Variants in GABARAPL2 observed in about 807,000 individuals in gnomAD.
GABARAPL2 encodes the protein GABA type A receptor associated protein like 2.
A neutral mutation model predicts 16.9 loss-of-function variants in GABARAPL2; 11 were observed. The observed-to-expected ratio is 0.65, with a 90% confidence interval of 0.41 to 1.08. The LOEUF is 1.08. Ranked by LOEUF, GABARAPL2 falls within the 50% of genes least tolerant of loss-of-function variation. GABARAPL2 has a pLI of 0.00. For synonymous variants in GABARAPL2, 57 were observed against 50.7 expected (o/e 1.12, Z -0.53); for missense variants, 134 against 142.5 (o/e 0.94, Z 0.30).
intron 2 of GABARAPL2, 109 bp downstream of exon 2, chr16:75,567,016 AC>A: frequency 1.1e-6 from 1 of 942,074 alleles, no homozygotes; most frequent in Non-Finnish European, 1.7e-6. Context: ...AGTCCCAGTT[AC>A]AGTAGCTGAC....
At chr16:75,573,719 C>G (rs2080930382) in intron 3 of GABARAPL2, among the ~76,000 whole-genome samples, 2 of 152,164 alleles carry the variant, frequency 1.3e-5, no homozygotes, top group African/African-American at 2.4e-5. Flanking sequence ...AAGCACTGTT[C>G]TAAGGAAGAT....
At chr16:75,567,083 G>A (rs1189810449) in intron 2 of GABARAPL2, among the ~76,000 whole-genome samples, 176 bp downstream of exon 2, 1 of 152,214 alleles carries the variant, frequency 6.6e-6, no homozygotes, top group African/African-American at 2.4e-5. Context: ...TCGGGCTGGT[G>A]CTGTTCAGGG....
At chr16:75,577,251 A>G in intron 3 of GABARAPL2, 28 bp from the exon 4 acceptor site, 5 of 1,437,936 alleles carry the variant, frequency 3.5e-6, no homozygotes, top group African/African-American at 1.4e-5. Context: ...TCCAATTTTC[A>G]ATGACGTTTT....
intron 2 of GABARAPL2, 113 bp downstream of exon 2, chr16:75,567,020 T>A: frequency 1.1e-6 from 1 of 925,786 alleles, no homozygotes; most frequent in Non-Finnish European, 1.7e-6. Context: ...CCAGTTACAG[T>A]AGCTGACGGG....
intron 3 of GABARAPL2, among the ~76,000 whole-genome samples, chr16:75,573,345 C>A (rs2080927691): frequency 6.6e-6 from 1 of 152,232 alleles, no homozygotes; most frequent in African/African-American, 2.4e-5. Flanking sequence ...TGCATGTATG[C>A]AGTCAGATCC....
In GABARAPL2 at chr16:75,566,881, C is replaced by T. The variant is rs987049789; in HGVS notation, c.64C>T (p.Arg22Ter). ...EHRCVESAKI[R>*]AKYPDRVPVI... is the part of the protein sequence containing the mutation. Reference sequence around the variant, plus strand: ...CAGATGCGTGGAGTCCGCGAAGATTCGAGCGAAATATCCCGACAGGGTTCC... The same window carrying T: ...CAGATGCGTGGAGTCCGCGAAGATTTGAGCGAAATATCCCGACAGGGTTCC... Residue 22 changes from arginine (R) to a stop codon, truncating the protein, a stop_gained, in exon 2 of 4, where the codon CGA (arginine) becomes TGA (stop). Transcript: ENST00000037243. LOFTEE classifies it high-confidence loss of function. 2.5e-6 allele frequency: 4 copies of T among 1,613,446 alleles called. No homozygotes were observed. The highest frequency in any genetic ancestry group is 3.4e-6 in the Non-Finnish European group (4 of 1,179,860).
chr16:75,577,608 G>T lies in GABARAPL2; in HGVS notation c.*239G>T, dbSNP rs888043530. On this transcript the variant is annotated 3_prime_UTR_variant, in exon 4 of 4. Transcript: ENST00000037243. ...CATGCCTGTATTCTCCAGGAAACTTGTCCTTCTGGAAATCATATTGAATGA... is the reference window on the plus strand; with the variant it reads ...CATGCCTGTATTCTCCAGGAAACTTTTCCTTCTGGAAATCATATTGAATGA... The T allele has an allele frequency of 2.6e-6, 1 of 391,110 alleles. No homozygotes were observed. Among genetic ancestry groups the T allele is most frequent in the Non-Finnish European group, 4.6e-6 (1 of 216,938 alleles). The allele number at this position is 391,110 out of a possible 1,614,324, so 24.2% of individuals were successfully genotyped here. A position where few individuals can be genotyped will look rare whatever the true frequency, so the allele number is the denominator to read the frequency against.
chr16:75,568,645 T>C (rs1056115821), intron 3 of GABARAPL2, among the ~76,000 whole-genome samples: 1 of 152,228 alleles, frequency 6.6e-6, no homozygotes, highest in Non-Finnish European at 1.5e-5. Flanking sequence ...CTCTTTGACA[T>C]TGTAAGAGTC....
At chr16:75,571,610 T>C (rs777418261) in intron 3 of GABARAPL2, among the ~76,000 whole-genome samples, 1 of 152,108 alleles carries the variant, frequency 6.6e-6, no homozygotes, top group African/African-American at 2.4e-5. Flanking sequence ...TCATCCTTTA[T>C]TTAGAAATGT....
At chr16:75,568,011 G>GT in intron 2 of GABARAPL2, 26 bp from the exon 3 acceptor site, 1 of 1,582,184 alleles carries the variant, frequency 6.3e-7, no homozygotes, top group Non-Finnish European at 8.7e-7. Context: ...AGGAAACACA[G>GT]TCCTGACCTC....
At chr16:75,573,288 G>A (rs763037028) in intron 3 of GABARAPL2, among the ~76,000 whole-genome samples, 1 of 152,198 alleles carries the variant, frequency 6.6e-6, no homozygotes, top group African/African-American at 2.4e-5. Context: ...TTTTAAGTCT[G>A]TTTGTGGCCC....
At position 75,566,502 on chromosome 16, in the gene GABARAPL2, A is replaced by C; in HGVS notation, c.16A>C (p.Lys6Gln). 1.9e-6 allele frequency: 3 copies of C among 1,608,794 alleles called. No homozygotes were observed. The highest frequency in any genetic ancestry group is 2.5e-6 in the Non-Finnish European group (3 of 1,178,168). ...CGCCGCCGCCATGAAGTGGATGTTC[A>C]AGGAGGACCACTCGCTGGGTAAGCA... MKWMF[K>Q]EDHSLEHRCV... Residue 6 changes from lysine to glutamine, a missense_variant, in exon 1 of 4, where the codon AAG becomes CAG. By Grantham distance (53) the Lys-to-Gln change is moderately conservative (BLOSUM62 1). Transcript: ENST00000037243.
At chr16:75,574,955 C>T (rs1223913623) in intron 3 of GABARAPL2, among the ~76,000 whole-genome samples, 1 of 152,048 alleles carries the variant, frequency 6.6e-6, no homozygotes, top group Non-Finnish European at 1.5e-5. Flanking sequence ...CTTGTTTGAA[C>T]CGGAAGGTGG....
At chr16:75,569,488 C>T (rs1424975377) in intron 3 of GABARAPL2, among the ~76,000 whole-genome samples, 2 of 152,188 alleles carry the variant, frequency 1.3e-5, no homozygotes, top group Admixed American at 6.5e-5. Context: ...CTTGGGCATC[C>T]GTGGTTACCC....
At position 75,577,874 on chromosome 16, in the gene GABARAPL2, T is replaced by C. The variant is rs1259742389; in HGVS notation, c.*505T>C. The C allele has an allele frequency of 6.4e-6, 1 of 155,164 alleles. No homozygotes were observed. The highest frequency in any genetic ancestry group is 1.4e-5 in the Non-Finnish European group (1 of 69,786). 9.6% of individuals were successfully genotyped at this position (155,164 alleles called of 1,614,324 possible). ...ATAATTAACAATAAAAATTCTCTTA[T>C]AAAGGCATTGTACTGTGGCCATGTC... is the stretch of plus-strand genomic sequence containing the variant. On this transcript the variant is annotated 3_prime_UTR_variant, in exon 4 of 4. Coordinates refer to ENST00000037243, the MANE Select transcript of GABARAPL2 (RefSeq NM_007285.7).
At chr16:75,577,121 C>CT in intron 3 of GABARAPL2, 158 bp from the exon 4 acceptor site, 1 of 568,902 alleles carries the variant, frequency 1.8e-6, no homozygotes, top group Non-Finnish European at 3.2e-6. Context: ...TTATTTTAAT[C>CT]TTTTTATGGC....
chr16:75,567,031 C>G (rs1203993266), intron 2 of GABARAPL2, 124 bp downstream of exon 2: 2 of 857,412 alleles, frequency 2.3e-6, no homozygotes, highest in East Asian at 5.4e-5. Flanking sequence ...AGCTGACGGG[C>G]CAGACCGGGA....
At position 75,566,404 on chromosome 16, in the gene GABARAPL2, G is replaced by A; in HGVS notation, c.-83G>A. ...AGTCGCCGCCGTCGCTGCCGCTGCC[G>A]CTGCCGCCGTCGTTGTTGTTGTGCT... On this transcript the variant is annotated 5_prime_UTR_variant, in exon 1 of 4. Coordinates refer to ENST00000037243, the MANE Select transcript of GABARAPL2 (RefSeq NM_007285.7). 8 of 1,068,814 alleles carry A rather than the reference G, an allele frequency of 7.5e-6. No individual in the cohort carries two copies. The highest frequency in any genetic ancestry group is 1.1e-5 in the Non-Finnish European group (8 of 714,152). The allele number at this position is 1,068,814 out of a possible 1,614,324, so 66.2% of individuals were successfully genotyped here.
At chr16:75,575,225 A>C (rs1327032882) in intron 3 of GABARAPL2, among the ~76,000 whole-genome samples, 1 of 152,118 alleles carries the variant, frequency 6.6e-6, no homozygotes, top group Non-Finnish European at 1.5e-5. Flanking sequence ...GTCAGTAGAA[A>C]TGGATGCAAG....
Sources: allele counts gnomAD v4.1 joint callset (sites outside exome capture counted in the v4.1 genomes callset), GRCh38; gene constraint gnomAD v4.1.1; transcripts MANE v1.5; gene names NCBI Gene and HGNC (gene_info 2026-07-23, HGNC 2026-07-21).